Variants in VWA8 observed in about 807,000 individuals in gnomAD.
VWA8 encodes von Willebrand factor A domain containing 8, also known as von Willebrand factor A domain-containing protein 8.
In VWA8, 221 loss-of-function variants were observed where a neutral mutation model predicts 241.5. The observed-to-expected ratio is 0.91, with a 90% CI of 0.82 to 1.02. VWA8 has a LOEUF of 1.02. VWA8 is among the 50% of genes least tolerant of loss of function. The pLI is 0.00. For missense variants in VWA8, 2,322 were observed against 2,328.7 expected, an observed-to-expected ratio of 1.00 and a Z score of 0.06; for synonymous variants, 852 against 827.1, an observed-to-expected ratio of 1.03 and a Z score of -0.52.
intron 21 of VWA8, among the ~76,000 whole-genome samples, chr13:41,743,643 A>G (rs1477835195): frequency 1.3e-5 from 2 of 152,210 alleles, no homozygotes; most frequent in East Asian, 3.8e-4. Context: ...AGTTCTCCTC[A>G]AGTAGTCTCC....
chr13:41,901,824 C>G (rs1875440147), intron 4 of VWA8, among the ~76,000 whole-genome samples: 2 of 132,184 alleles, frequency 1.5e-5, no homozygotes, highest in African/African-American at 5.7e-5. Flanking sequence ...CGAGATCATG[C>G]CACTGCACTC....
Position 41,678,006 on chromosome 13 carries a change from A to G in VWA8, c.4328-2710T>C, listed in dbSNP as rs550966965. ...TTATTTAACAAATGTGTTTGAGCAT[A>G]TTTTGCGCCAGACATCATATGAAAC... On this transcript the variant is annotated intron_variant, in intron 35 of 44. Coordinates refer to ENST00000379310, the MANE Select transcript of VWA8 (RefSeq NM_015058.2). Among the ~76,000 whole-genome samples the G allele has an allele frequency of 2.0e-5, 3 of 152,320 alleles. No individual in the cohort carries two copies. In the South Asian group the frequency reaches 6.2e-4, roughly 32 times the overall value.
intron 29 of VWA8, 152 bp from the exon 30 acceptor site, chr13:41,693,124 A>C (rs1463015691): frequency 3.8e-6 from 2 of 521,708 alleles, no homozygotes; most frequent in Non-Finnish European, 6.6e-6. Context: ...TCACAAAGAC[A>C]TTAAGTGATT....
chr13:41,661,259 A>G (rs1353137551), intron 37 of VWA8, among the ~76,000 whole-genome samples: 1 of 152,210 alleles, frequency 6.6e-6, no homozygotes, highest in Non-Finnish European at 1.5e-5. Flanking sequence ...GCTCAGAAAC[A>G]CTGACTTCTA....
intron 4 of VWA8, among the ~76,000 whole-genome samples, chr13:41,904,297 T>C (rs1420577239): frequency 6.6e-6 from 1 of 152,198 alleles, no homozygotes; most frequent in Non-Finnish European, 1.5e-5. Context: ...CCATTTTCTC[T>C]TCCTTACTAT....
intron 21 of VWA8, among the ~76,000 whole-genome samples, chr13:41,735,294 G>A (rs765657546): frequency 6.6e-6 from 1 of 152,120 alleles, no homozygotes; most frequent in Admixed American, 6.5e-5. Context: ...AATAATTATT[G>A]TGCTTCATAG....
intron 4 of VWA8, among the ~76,000 whole-genome samples, chr13:41,901,563 A>G (rs1875425000): frequency 6.6e-6 from 1 of 152,102 alleles, no homozygotes; most frequent in South Asian, 2.1e-4. Flanking sequence ...TGCATCTGTC[A>G]AACAGTTAAC....
At chr13:41,744,682 C>T (rs980606276) in intron 21 of VWA8, among the ~76,000 whole-genome samples, 1 of 152,182 alleles carries the variant, frequency 6.6e-6, no homozygotes, top group Non-Finnish European at 1.5e-5. Context: ...GCTTACCTAA[C>T]AACTCTGTAA....
chr13:41,609,871 C>T (rs1044885104), intron 39 of VWA8, among the ~76,000 whole-genome samples: 3 of 152,186 alleles, frequency 2.0e-5, no homozygotes, highest in African/African-American at 7.2e-5. Context: ...TTCCCCATGT[C>T]CTCTCTTTCC....
At chr13:41,740,966 C>T (rs1265520943) in intron 21 of VWA8, among the ~76,000 whole-genome samples, 3 of 152,190 alleles carry the variant, frequency 2.0e-5, no homozygotes, top group Admixed American at 2.0e-4. Context: ...CTGTCCAGTG[C>T]TACTCAAATG....
At chr13:41,880,428 A>G (rs898608308) in intron 9 of VWA8, among the ~76,000 whole-genome samples, 3 of 152,238 alleles carry the variant, frequency 2.0e-5, no homozygotes, top group Non-Finnish European at 2.9e-5. Context: ...TAATCACCAC[A>G]TAAGCCTCCA....
chr13:41,726,599 A>G (rs1051195083), intron 24 of VWA8, among the ~76,000 whole-genome samples: 4 of 152,180 alleles, frequency 2.6e-5, no homozygotes, highest in Admixed American at 2.6e-4. Flanking sequence ...GTCCTAAACA[A>G]CAAAGTATAG....
chr13:41,751,895 G>A (rs1210940335), intron 21 of VWA8, among the ~76,000 whole-genome samples: 1 of 152,060 alleles, frequency 6.6e-6, no homozygotes, highest in African/African-American at 2.4e-5. Context: ...ACTGACCACA[G>A]GGGAGCTTGA....
intron 12 of VWA8, among the ~76,000 whole-genome samples, chr13:41,863,879 T>C (rs948775023): frequency 6.6e-6 from 1 of 152,050 alleles, no homozygotes; most frequent in Non-Finnish European, 1.5e-5. Context: ...GACGGAATCA[T>C]TTATACAGCA....
chr13:41,864,338 A>C (rs905728449), intron 12 of VWA8, among the ~76,000 whole-genome samples: 1 of 152,170 alleles, frequency 6.6e-6, no homozygotes, highest in Non-Finnish European at 1.5e-5. Flanking sequence ...AACTGAAAGC[A>C]GGGACTCAAA....
intron 4 of VWA8, among the ~76,000 whole-genome samples, chr13:41,907,314 A>T (rs1017953782): frequency 1.6e-4 from 25 of 152,344 alleles, no homozygotes; most frequent in Admixed American, 4.6e-4. Context: ...TTCTATAGGC[A>T]AGTAGTAGGA....
intron 41 of VWA8, 27 bp downstream of exon 41, chr13:41,590,613 T>A: frequency 6.2e-7 from 1 of 1,613,070 alleles, no homozygotes; most frequent in Non-Finnish European, 8.5e-7. Flanking sequence ...TATGCAGAGC[T>A]GAGGCTAGCA....
intron 2 of VWA8, among the ~76,000 whole-genome samples, chr13:41,913,960 G>A (rs1346690176): frequency 3.9e-5 from 6 of 152,218 alleles, no homozygotes; most frequent in Non-Finnish European, 8.8e-5. Context: ...TGTGGTCCTC[G>A]GCCAGGCATG....
At chr13:41,663,707 C>T (rs1009390965) in intron 37 of VWA8, among the ~76,000 whole-genome samples, 1 of 151,816 alleles carries the variant, frequency 6.6e-6, no homozygotes, top group Non-Finnish European at 1.5e-5. Context: ...TAATAAAGTG[C>T]TATCATAAAC....
Sources: gnomAD v4.1 joint callset for allele counts (sites outside exome capture counted in the v4.1 genomes callset) on GRCh38, gnomAD v4.1.1 for gene constraint, MANE v1.5 for transcripts, NCBI Gene and HGNC (gene_info 2026-07-23, HGNC 2026-07-21) for gene names.